NDST4: variants seen among roughly 807,000 people sequenced by gnomAD.
The protein encoded by NDST4 is N-deacetylase and N-sulfotransferase 4, also known as N-heparan sulfate sulfotransferase 4.
Under a neutral mutation model 100.8 loss-of-function variants are expected in NDST4, and 63 were observed. The observed-to-expected ratio is 0.62, with a 90% CI of 0.51 to 0.77. The LOEUF (loss-of-function observed/expected upper bound fraction) is 0.77, where lower values mean the gene tolerates loss of function less well. Ranked by LOEUF, NDST4 falls within the 30% of genes least tolerant of loss-of-function variation. The pLI is 0.00. For missense variants in NDST4, 943 were observed against 1,018.4 expected (o/e 0.93, Z 1.01); for synonymous variants, 377 against 361.8 (o/e 1.04, Z -0.48).
At position 115,090,761 on chromosome 4, in the gene NDST4, G is replaced by A. The variant is rs1402908934; in HGVS notation, c.-246-13479C>T. Among the ~76,000 whole-genome samples the A allele has an allele frequency of 2.0e-5, 3 of 151,990 alleles. No homozygotes were observed. The East Asian group carries it at 5.8e-4, about 29-fold the overall frequency. The stretch of plus-strand genomic sequence containing the variant: ...TCCATTGACAGGTTACTAAACTAAA[G>A]AAAGTGTTAACTAGATAAGTCCAGG... On this transcript the variant is annotated intron_variant, in intron 1 of 13. Coordinates refer to ENST00000264363, the MANE Select transcript of NDST4 (RefSeq NM_022569.3).
At chr4:114,986,830 A>ATATATATATTTATT (rs1553959396) in intron 2 of NDST4, among the ~76,000 whole-genome samples, 59 of 91,940 alleles carry the variant, frequency 6.4e-4, no homozygotes, top group African/African-American at 2.4e-3. Flanking sequence ...ATATATATAT[A>ATATATATATTTATT]TATTTTAATA....
At position 115,105,649 on chromosome 4, in the gene NDST4, C is replaced by T. The variant is rs140923155; in HGVS notation, c.-247+7795G>A. 4.7e-4 allele frequency among the ~76,000 whole-genome samples: 72 copies of T among 152,212 alleles called. 1 individual carries two copies. Among genetic ancestry groups the T allele is most frequent in the Admixed American group, 4.3e-3 (66 of 15,274 alleles). On this transcript the variant is annotated intron_variant, in intron 1 of 13. Transcript: ENST00000264363. The stretch of plus-strand genomic sequence containing the variant: ...CTTGGTAGCCAGCATTTATTTTCTA[C>T]GCAAGGCAGAAATTCCTTCCACAAA...
chr4:115,065,629 T>C (rs960353675), intron 2 of NDST4, among the ~76,000 whole-genome samples: 2 of 152,138 alleles, frequency 1.3e-5, no homozygotes, highest in African/African-American at 4.8e-5. Flanking sequence ...TGTAACATTA[T>C]TTAGTTGGTC....
chr4:114,972,921 G>A (rs1726547117), intron 3 of NDST4, among the ~76,000 whole-genome samples: 1 of 151,956 alleles, frequency 6.6e-6, no homozygotes, highest in Non-Finnish European at 1.5e-5. Context: ...TAGAGATTAT[G>A]TTAATTTATA....
chr4:114,959,592 A>C (rs1431234452), intron 4 of NDST4, among the ~76,000 whole-genome samples: 5 of 152,116 alleles, frequency 3.3e-5, no homozygotes, highest in African/African-American at 1.2e-4. Flanking sequence ...CCCTCCCAAA[A>C]CACGTGGGGA....
At chr4:115,001,372 GGCC>G (rs1560852827) in intron 2 of NDST4, among the ~76,000 whole-genome samples, 4 of 151,742 alleles carry the variant, frequency 2.6e-5, no homozygotes, top group Non-Finnish European at 5.9e-5. Flanking sequence ...AGAGTTGATC[GGCC>G]CACCAGACTA....
chr4:114,865,402 T>C (rs6833579), intron 7 of NDST4, among the ~76,000 whole-genome samples: 13,039 of 152,174 alleles, frequency 0.086, 1,636 homozygotes, highest in African/African-American at 0.27. Context: ...CTTTTGAACA[T>C]AGTCCCTTAT....
rs1227310987 is a variant in NDST4 at position 114,929,041 on chromosome 4, TGTCCGTCCGTCCGTCCGTCC to T, written c.1536+6145_1536+6164del. ...CTATCTATCTGTCTGTCTGTCTGTC[TGTCCGTCCGTCCGTCCGTCC>T]GTCCGTCCGTCCGTCCATCCATCCA... is the stretch of plus-strand genomic sequence containing the variant. On this transcript the variant is annotated intron_variant, in intron 6 of 13. Transcript: ENST00000264363. 1.1e-3 allele frequency among the ~76,000 whole-genome samples: 130 copies of T among 122,012 alleles called. 1 individual carries two copies. In the South Asian group the frequency reaches 0.031, roughly 29 times the overall value. The allele number at this position is 122,012 out of a possible 152,430, so 80.0% of individuals were successfully genotyped here. A position where few individuals can be genotyped will look rare whatever the true frequency, so the allele number is the denominator to read the frequency against.
chr4:114,867,490 G>A (rs542701604), intron 7 of NDST4, among the ~76,000 whole-genome samples: 5 of 152,028 alleles, frequency 3.3e-5, no homozygotes, highest in Middle Eastern at 3.4e-3. Context: ...TGTTTGGCAT[G>A]TTTGTTGATA....
At chr4:114,964,233 G>C (rs933336586) in intron 4 of NDST4, among the ~76,000 whole-genome samples, 2 of 152,156 alleles carry the variant, frequency 1.3e-5, no homozygotes, top group Non-Finnish European at 2.9e-5. Context: ...AACAGCTTGT[G>C]AGGAGCTGAA....
intron 2 of NDST4, among the ~76,000 whole-genome samples, chr4:115,070,257 C>A (rs1399955997): frequency 1.3e-5 from 2 of 152,148 alleles, no homozygotes; most frequent in Admixed American, 6.6e-5. Flanking sequence ...ATCATATCCT[C>A]TGCAGGAACA....
At chr4:114,900,136 T>C (rs1308792742) in intron 6 of NDST4, among the ~76,000 whole-genome samples, 2 of 152,154 alleles carry the variant, frequency 1.3e-5, no homozygotes, top group African/African-American at 2.4e-5. Context: ...TTCATAGTAT[T>C]TCTTTATTAT....
intron 7 of NDST4, among the ~76,000 whole-genome samples, chr4:114,869,942 G>A (rs776851502): frequency 6.6e-6 from 1 of 152,120 alleles, no homozygotes; most frequent in East Asian, 1.9e-4. Flanking sequence ...ACCAGAGGGA[G>A]AGAGGATGAC....
chr4:115,033,737 C>T lies in NDST4; in HGVS notation c.978+42322G>A, dbSNP rs564648858. On this transcript the variant is annotated intron_variant, in intron 2 of 13. Coordinates refer to ENST00000264363, the MANE Select transcript of NDST4 (RefSeq NM_022569.3). ...AACCATTAGTGGCAGGTTGGTTGTT[C>T]AGTCTTTTTGAATAACATTTGAACG... is the stretch of plus-strand genomic sequence containing the variant. Among the ~76,000 whole-genome samples the T allele has an allele frequency of 3.4e-3, 519 of 152,062 alleles. 3 individuals are homozygous for T. Among genetic ancestry groups the T allele is most frequent in the Non-Finnish European group, 4.1e-3 (277 of 67,962 alleles).
At chr4:114,973,902 A>C (rs929518529) in intron 3 of NDST4, among the ~76,000 whole-genome samples, 1 of 151,812 alleles carries the variant, frequency 6.6e-6, no homozygotes, top group Non-Finnish European at 1.5e-5. Flanking sequence ...GATAGAATAA[A>C]CTACTTTTTA....
chr4:115,024,824 T>C (rs1158008966), intron 2 of NDST4, among the ~76,000 whole-genome samples: 1 of 152,170 alleles, frequency 6.6e-6, no homozygotes, highest in Non-Finnish European at 1.5e-5. Context: ...TAAATATAAT[T>C]GCCATTGTGA....
chr4:114,948,013 T>G (rs1300837115), intron 4 of NDST4, among the ~76,000 whole-genome samples: 1 of 152,204 alleles, frequency 6.6e-6, no homozygotes, highest in Admixed American at 6.6e-5. Flanking sequence ...ATTTCCAAAC[T>G]TTTTGGATCC....
chr4:114,888,399 A>G (rs185984102), intron 6 of NDST4, among the ~76,000 whole-genome samples: 1 of 152,150 alleles, frequency 6.6e-6, no homozygotes, highest in African/African-American at 2.4e-5. Flanking sequence ...GCATGGCTCA[A>G]GCTTAAAGGC....
chr4:114,946,685 T>G, intron 4 of NDST4, among the ~76,000 whole-genome samples: 1 of 152,276 alleles, frequency 6.6e-6, no homozygotes, highest in South Asian at 2.1e-4. Context: ...GAGGCAGAGT[T>G]GCTGCAAATA....
Sources: allele counts gnomAD v4.1 joint callset (sites outside exome capture counted in the v4.1 genomes callset), GRCh38; gene constraint gnomAD v4.1.1; transcripts MANE v1.5; gene names NCBI Gene and HGNC (gene_info 2026-07-23, HGNC 2026-07-21).